KCNT2: variants seen among roughly 807,000 people sequenced by gnomAD.
KCNT2 encodes the protein potassium channel subfamily T member 2.
A neutral mutation model predicts 153.8 loss-of-function variants in KCNT2; 67 were observed. The observed-to-expected ratio is 0.44, with a 90% CI of 0.36 to 0.53. The LOEUF (loss-of-function observed/expected upper bound fraction) is 0.53. Ranked by LOEUF, KCNT2 falls within the 20% of genes least tolerant of loss-of-function variation. The pLI, the probability that KCNT2 is intolerant of heterozygous loss-of-function variation, is 0.00. For synonymous variants in KCNT2, 500 were observed against 458.8 expected (o/e 1.09, Z -1.15); for missense variants, 975 against 1,354.8 (o/e 0.72, Z 4.40).
intron 8 of KCNT2, among the ~76,000 whole-genome samples, chr1:196,439,012 A>T (rs1303687235): frequency 6.6e-6 from 1 of 151,876 alleles, no homozygotes; most frequent in Non-Finnish European, 1.5e-5. Context: ...CTATTTTTTT[A>T]AAGTTTATGC....
intron 10 of KCNT2, among the ~76,000 whole-genome samples, chr1:196,426,432 C>T (rs183862087): frequency 7.2e-5 from 11 of 151,882 alleles, no homozygotes; most frequent in Admixed American, 2.0e-4. Flanking sequence ...AATTATGAAA[C>T]AATAATTTTG....
chr1:196,241,996 T>A (rs1655001901), intron 26 of KCNT2, among the ~76,000 whole-genome samples: 1 of 152,110 alleles, frequency 6.6e-6, no homozygotes. Flanking sequence ...ATATATATGA[T>A]TTCTTCAATG....
chr1:196,348,784 G>A (rs1666358265), intron 14 of KCNT2, among the ~76,000 whole-genome samples: 1 of 152,076 alleles, frequency 6.6e-6, no homozygotes, highest in Admixed American at 6.6e-5. Flanking sequence ...CCAACACTTT[G>A]GGAGGCTGAG....
At chr1:196,586,422 A>G (rs1662684313) in intron 1 of KCNT2, among the ~76,000 whole-genome samples, 1 of 152,156 alleles carries the variant, frequency 6.6e-6, no homozygotes, top group African/African-American at 2.4e-5. Context: ...TATCAGTAAT[A>G]TTATTAAGAA....
chr1:196,327,091 G>T (rs1278292552), intron 18 of KCNT2, among the ~76,000 whole-genome samples: 1 of 152,094 alleles, frequency 6.6e-6, no homozygotes, highest in African/African-American at 2.4e-5. Flanking sequence ...CAAGGAAAAT[G>T]AATTGCAGGT....
intron 13 of KCNT2, among the ~76,000 whole-genome samples, chr1:196,390,446 C>T (rs1001888709): frequency 6.6e-6 from 1 of 151,442 alleles, no homozygotes; most frequent in Non-Finnish European, 1.5e-5. Context: ...CTGCAGTCAG[C>T]TGATTTTTAA....
chr1:196,449,813 G>A (rs1675998125), intron 8 of KCNT2, among the ~76,000 whole-genome samples: 1 of 151,218 alleles, frequency 6.6e-6, no homozygotes, highest in South Asian at 2.1e-4. Context: ...CACTAATAAA[G>A]AAAAAAGAAT....
chr1:196,403,095 T>C (rs1464992180), intron 12 of KCNT2, among the ~76,000 whole-genome samples: 1 of 151,622 alleles, frequency 6.6e-6, no homozygotes, highest in African/African-American at 2.4e-5. Context: ...AAAATGTAGG[T>C]CTCCACAAAA....
At chr1:196,385,840 G>C (rs996368556) in intron 13 of KCNT2, among the ~76,000 whole-genome samples, 3 of 151,320 alleles carry the variant, frequency 2.0e-5, no homozygotes, top group African/African-American at 7.3e-5. Flanking sequence ...AATATAATCT[G>C]TCTGTGGTAG....
intron 22 of KCNT2, among the ~76,000 whole-genome samples, chr1:196,291,535 G>A (rs553751110): frequency 1.3e-5 from 2 of 152,014 alleles, no homozygotes; most frequent in South Asian, 4.1e-4. Context: ...ATTTACATAT[G>A]AGAAATAAAA....
intron 16 of KCNT2, among the ~76,000 whole-genome samples, chr1:196,336,029 A>G (rs904391050): frequency 6.6e-6 from 1 of 152,104 alleles, no homozygotes; most frequent in Non-Finnish European, 1.5e-5. Flanking sequence ...TTGACAAAAT[A>G]GAACCCTGCT....
At chr1:196,383,934 A>T (rs1669725245) in intron 13 of KCNT2, among the ~76,000 whole-genome samples, 1 of 152,190 alleles carries the variant, frequency 6.6e-6, no homozygotes, top group Non-Finnish European at 1.5e-5. Flanking sequence ...AAAAAAATGC[A>T]TAGTTATTTT....
intron 13 of KCNT2, among the ~76,000 whole-genome samples, chr1:196,394,757 A>G (rs1380893747): frequency 6.6e-6 from 1 of 151,460 alleles, no homozygotes; most frequent in Admixed American, 6.6e-5. Context: ...GACAATGACA[A>G]TTTTATTTCT....
chr1:196,511,555 T>C (rs1681633394), intron 1 of KCNT2, among the ~76,000 whole-genome samples: 2 of 152,178 alleles, frequency 1.3e-5, no homozygotes, highest in East Asian at 1.9e-4. Flanking sequence ...AGGGCTGCTA[T>C]AGCAAAATAA....
intron 1 of KCNT2, among the ~76,000 whole-genome samples, chr1:196,496,212 G>A (rs1005651708): frequency 6.6e-6 from 1 of 152,104 alleles, no homozygotes; most frequent in Non-Finnish European, 1.5e-5. Context: ...GCTCACACCT[G>A]TAATCCCAGC....
At chr1:196,411,699 T>A (rs963462599) in intron 12 of KCNT2, among the ~76,000 whole-genome samples, 6 of 151,784 alleles carry the variant, frequency 4.0e-5, no homozygotes, top group African/African-American at 1.4e-4. Flanking sequence ...TGCATAGGAA[T>A]GCAAATACTT....
chr1:196,438,366 A>G lies in KCNT2; in HGVS notation c.639-8609T>C, dbSNP rs532892146. Among the ~76,000 whole-genome samples, 415 of 151,972 alleles carry G rather than the reference A, an allele frequency of 2.7e-3. 3 individuals are homozygous for G. Among genetic ancestry groups the G allele is most frequent in the African/African-American group, 9.5e-3 (396 of 41,512 alleles). The stretch of plus-strand genomic sequence containing the variant: ...CCCTCTTTCCTAAGGATTCACTAAC[A>G]AGTTTATTAGCAGCAGACACCATCC... On this transcript the variant is annotated intron_variant, in intron 8 of 27. Transcript: ENST00000294725.
chr1:196,561,354 A>G (rs1659358867), intron 1 of KCNT2, among the ~76,000 whole-genome samples: 1 of 151,720 alleles, frequency 6.6e-6, no homozygotes, highest in Non-Finnish European at 1.5e-5. Context: ...TAACTAATAA[A>G]GGGTTCAGGT....
At chr1:196,488,916 G>C (rs1011027333) in intron 3 of KCNT2, among the ~76,000 whole-genome samples, 6 of 152,116 alleles carry the variant, frequency 3.9e-5, no homozygotes, top group South Asian at 2.1e-4. Context: ...AGAGAAGTAT[G>C]TGGGAGAGCA....
Sources: gnomAD v4.1 joint callset for allele counts (sites outside exome capture counted in the v4.1 genomes callset) on GRCh38, gnomAD v4.1.1 for gene constraint, MANE v1.5 for transcripts, NCBI Gene and HGNC (gene_info 2026-07-23, HGNC 2026-07-21) for gene names.